The following WDR20 variants were observed in gnomAD, a reference collection of about 807,000 sequenced individuals.
WDR20 encodes the protein WD repeat-containing protein 20.
Under a neutral mutation model 38.7 loss-of-function variants are expected in WDR20, and 3 were observed. The ratio of observed to expected loss-of-function variants is 0.08; its 90% CI spans 0.04 to 0.20. The LOEUF (loss-of-function observed/expected upper bound fraction) is 0.20. WDR20 is among the 10% of genes least tolerant of loss of function. The pLI is 1.00. For missense variants in WDR20, 559 were observed against 727.7 expected, an observed-to-expected ratio of 0.77 and a Z score of 2.67; for synonymous variants, 298 against 285.6, an observed-to-expected ratio of 1.04 and a Z score of -0.44.
intron 2 of WDR20, among the ~76,000 whole-genome samples, chr14:102,200,463 TTTTTTGTGTGTG>T (rs1304510584): frequency 1.0e-5 from 1 of 99,628 alleles, no homozygotes; most frequent in South Asian, 2.9e-4. Context: ...TTAAATTTTT[TTTTTTGTGTGTG>T]TGTGTGTGTG....
At chr14:102,180,647 A>G (rs1426745423) in intron 1 of WDR20, among the ~76,000 whole-genome samples, 2 of 152,126 alleles carry the variant, frequency 1.3e-5, no homozygotes, top group Non-Finnish European at 2.9e-5. Flanking sequence ...GTCTCTTCAT[A>G]TTTAAAGACA....
At chr14:102,201,373 A>G (rs2060356305) in intron 2 of WDR20, among the ~76,000 whole-genome samples, 1 of 152,220 alleles carries the variant, frequency 6.6e-6, no homozygotes, top group African/African-American at 2.4e-5. Flanking sequence ...TAGTAATGAA[A>G]AAAAAGAAAA....
chr14:102,142,471 A>G (rs1335821226), intron 1 of WDR20, among the ~76,000 whole-genome samples: 1 of 152,102 alleles, frequency 6.6e-6, no homozygotes, highest in Non-Finnish European at 1.5e-5. Context: ...TTTTGTTTTT[A>G]GAGACAGGAT....
intron 1 of WDR20, among the ~76,000 whole-genome samples, chr14:102,148,624 G>A (rs1190579): frequency 6.6e-6 from 1 of 151,276 alleles, no homozygotes; most frequent in African/African-American, 2.4e-5. Context: ...CTATTGTGGC[G>A]GATGTGAAGT....
chr14:102,143,839 G>C (rs187404788), intron 1 of WDR20, among the ~76,000 whole-genome samples: 5 of 150,870 alleles, frequency 3.3e-5, no homozygotes, highest in African/African-American at 1.2e-4. Flanking sequence ...CACTGCGCCC[G>C]GCCGTAAACA....
Position 102,209,518 on chromosome 14 carries a change from A to G in WDR20, c.1348A>G (p.Met450Val), listed in dbSNP as rs1018338839. 1.9e-6 allele frequency: 3 copies of G among 1,614,102 alleles called. No individual in the cohort carries two copies. The highest frequency in any genetic ancestry group is 1.7e-5 in the Admixed American group (1 of 60,000). Residue 450 changes from methionine to valine, a missense_variant, in exon 3 of 3, where the codon ATG (methionine) becomes GTG (valine). Physicochemically the swap from Met to Val is conservative, Grantham distance 21 (BLOSUM62 1). Transcript: ENST00000342702. This position sits in a 1 kb window ranked among gnomAD's most constrained non-coding sequence, Gnocchi z 6.0. ...AAATGCTGGCAGCAAAAGCAGTGTC[A>G]TGGACGGGGCCATTGCTTCTGGGGT... ...VSNAGSKSSVMDGAIASGVSK... is the reference protein window; with the variant it reads ...VSNAGSKSSVVDGAIASGVSK...
chr14:102,170,325 G>A (rs1005846172), intron 1 of WDR20, among the ~76,000 whole-genome samples: 3 of 152,148 alleles, frequency 2.0e-5, no homozygotes, highest in Non-Finnish European at 4.4e-5. Context: ...CTTGTTGCTA[G>A]TATATCTGAG....
At chr14:102,178,373 C>T (rs1388306699) in intron 1 of WDR20, among the ~76,000 whole-genome samples, 1 of 142,990 alleles carries the variant, frequency 7.0e-6, no homozygotes, top group African/African-American at 2.6e-5. Flanking sequence ...GCCTGGGCTA[C>T]AGAGTGCGAC....
chr14:102,164,600 C>T (rs74082238), intron 1 of WDR20, among the ~76,000 whole-genome samples: 2,686 of 148,100 alleles, frequency 0.018, 83 homozygotes, highest in African/African-American at 0.069. Flanking sequence ...CATTGGACAC[C>T]GCTTGGCCCA....
Position 102,208,733 on chromosome 14 carries a change from C to T in WDR20, c.563C>T (p.Pro188Leu), listed in dbSNP as rs1020689577. 6.2e-7 allele frequency: 1 copy of T among 1,614,222 alleles called. No homozygotes were observed. The highest frequency in any genetic ancestry group is 1.3e-5 in the African/African-American group (1 of 75,046). Residue 188 changes from proline (P) to leucine (L), a missense_variant, in exon 3 of 3, where the codon CCC (proline) becomes CTC (leucine). Coordinates refer to ENST00000342702, the MANE Select transcript of WDR20 (RefSeq NM_144574.4). This position sits in a 1 kb window ranked among gnomAD's most constrained non-coding sequence, Gnocchi z 5.6. ...GAGCACACTTGTGGCACCACAGCCC[C>T]CCACTACCAGCTTCTGAAGCAGGGA... ...NVEHTCGTTAPHYQLLKQGES... is the reference protein window; with the variant it reads ...NVEHTCGTTALHYQLLKQGES...
downstream of WDR20, among the ~76,000 whole-genome samples, chr14:102,211,915 G>A (rs866155460): frequency 7.9e-5 from 12 of 152,324 alleles, no homozygotes; most frequent in Non-Finnish European, 8.8e-5. The surrounding 1 kb of genome is among the most constrained non-coding windows in gnomAD (Gnocchi z 4.2). Flanking sequence ...AGTTCTGAAG[G>A]TGTTGCCCTG....
At chr14:102,198,255 A>G (rs763035848) in intron 2 of WDR20, 4 of 306,480 alleles carry the variant, frequency 1.3e-5, no homozygotes, top group Admixed American at 4.1e-5. Context: ...CACCCACCCA[A>G]GTACCTGGGA....
chr14:102,186,705 A>G (rs548879376), intron 1 of WDR20, among the ~76,000 whole-genome samples: 13 of 152,122 alleles, frequency 8.5e-5, no homozygotes, highest in Admixed American at 1.3e-4. Flanking sequence ...TAATCCCAGC[A>G]CTTTGGGAGG....
At chr14:102,143,745 A>G (rs953453771) in intron 1 of WDR20, among the ~76,000 whole-genome samples, 9 of 151,758 alleles carry the variant, frequency 5.9e-5, no homozygotes, top group African/African-American at 2.2e-4. Context: ...GGGTTTCATC[A>G]TATTGGCCAG....
At chr14:102,142,774 C>CTT (rs71116885) in intron 1 of WDR20, among the ~76,000 whole-genome samples, 3,004 of 84,656 alleles carry the variant, frequency 0.035, 54 homozygotes, top group African/African-American at 0.043. Context: ...GCTGTTTTGA[C>CTT]TTTTTTTTTT....
Position 102,209,444 on chromosome 14 carries a change from T to C in WDR20, c.1274T>C (p.Val425Ala), listed in dbSNP as rs2062136417. 1 of 1,614,200 alleles carries C rather than the reference T, an allele frequency of 6.2e-7. No homozygotes were observed. Among genetic ancestry groups the C allele is most frequent in the East Asian group, 2.2e-5 (1 of 44,890 alleles). ...AGTGTTACAACACCCGGGAACTCTG[T>C]GCCGCCTCCTCTGCCACGGTCCAAC... Reference protein sequence around the residue: ...GNSVTTPGNSVPPPLPRSNSL... With the variant: ...GNSVTTPGNSAPPPLPRSNSL... Residue 425 changes from valine to alanine, a missense_variant, in exon 3 of 3, where the codon GTG (valine) becomes GCG (alanine). By Grantham distance (64) the Val-to-Ala change is moderately conservative. Transcript: ENST00000342702. The surrounding 1 kb of genome is among the most constrained non-coding windows in gnomAD (Gnocchi z 6.0).
downstream of WDR20, among the ~76,000 whole-genome samples, chr14:102,216,637 A>C (rs1262002157): frequency 6.6e-6 from 1 of 152,220 alleles, no homozygotes; most frequent in African/African-American, 2.4e-5. Context: ...AAATAAAAAT[A>C]GCTAGTTCTC....
In WDR20 at chr14:102,177,228, C is replaced by G. The variant is rs934056338; in HGVS notation, c.250-17710C>G. ...GAGCTGAGACCATTGTTTTCACACACTTGTTTATCTATTTGTCTCACTCTT... is the reference window on the plus strand; with the variant it reads ...GAGCTGAGACCATTGTTTTCACACAGTTGTTTATCTATTTGTCTCACTCTT... On this transcript the variant is annotated intron_variant, in intron 1 of 2. Coordinates refer to ENST00000342702, the MANE Select transcript of WDR20 (RefSeq NM_144574.4). Among the ~76,000 whole-genome samples the G allele has an allele frequency of 2.0e-5, 3 of 152,340 alleles. No individual in the cohort carries two copies. In the East Asian group the frequency reaches 5.8e-4, roughly 29 times the overall value.
chr14:102,193,545 C>T (rs948600182), intron 1 of WDR20: 40 of 1,606,472 alleles, frequency 2.5e-5, no homozygotes, highest in Non-Finnish European at 3.4e-5. Context: ...GCATGGCATG[C>T]ACCCTCATTC....
Sources: allele counts gnomAD v4.1 joint callset (sites outside exome capture counted in the v4.1 genomes callset), GRCh38; gene constraint gnomAD v4.1.1; non-coding constraint Gnocchi (gnomAD v3.1); transcripts MANE v1.5; gene names NCBI Gene and HGNC (gene_info 2026-07-23, HGNC 2026-07-21).